ZSWIM6: variants seen among roughly 807,000 people sequenced by gnomAD.
ZSWIM6 encodes zinc finger SWIM-type containing 6.
In ZSWIM6, 9 loss-of-function variants were observed where a neutral mutation model predicts 113.2. The ratio of observed to expected loss-of-function variants is 0.08; its 90% CI spans 0.05 to 0.14. The LOEUF is 0.14. ZSWIM6 is among the 10% of genes least tolerant of loss of function. The pLI is 1.00. For missense variants in ZSWIM6, 1,162 were observed against 1,552.2 expected (o/e 0.75, Z 4.22); for synonymous variants, 611 against 606.5 (o/e 1.01, Z -0.11).
chr5:61,459,844 G>A (rs1025521721), intron 1 of ZSWIM6, among the ~76,000 whole-genome samples: 1 of 152,112 alleles, frequency 6.6e-6, no homozygotes, highest in Non-Finnish European at 1.5e-5. Context: ...ACTCTTTCAG[G>A]TCCTCCCGCA....
intron 1 of ZSWIM6, among the ~76,000 whole-genome samples, chr5:61,397,902 T>C (rs1390273178): frequency 1.3e-5 from 2 of 152,204 alleles, no homozygotes; most frequent in African/African-American, 4.8e-5. Context: ...CCTATTAATG[T>C]AACTATTAAG....
At chr5:61,413,404 T>G (rs1248544148) in intron 1 of ZSWIM6, among the ~76,000 whole-genome samples, 2 of 152,078 alleles carry the variant, frequency 1.3e-5, no homozygotes, top group Non-Finnish European at 2.9e-5. Flanking sequence ...TGCCACATTT[T>G]CTTAATCCAG....
intron 9 of ZSWIM6, 84 bp downstream of exon 9, chr5:61,531,809 T>C: frequency 7.0e-7 from 1 of 1,435,204 alleles, no homozygotes; most frequent in East Asian, 2.5e-5. Context: ...GCTATCTGAA[T>C]GCATTTAATA....
chr5:61,408,763 C>T (rs1746091456), intron 1 of ZSWIM6, among the ~76,000 whole-genome samples: 1 of 152,258 alleles, frequency 6.6e-6, no homozygotes, highest in Non-Finnish European at 1.5e-5. Context: ...TTGCTTTCCT[C>T]ACTACAGCTG....
chr5:61,460,243 A>G (rs1302395338), intron 1 of ZSWIM6, among the ~76,000 whole-genome samples: 1 of 152,124 alleles, frequency 6.6e-6, no homozygotes, highest in East Asian at 1.9e-4. Flanking sequence ...ATGCTGATTG[A>G]TGATTCTAAA....
chr5:61,416,419 A>G (rs1256489416), intron 1 of ZSWIM6, among the ~76,000 whole-genome samples: 6 of 152,114 alleles, frequency 3.9e-5, no homozygotes. Context: ...CTCTGATATC[A>G]TGCTGCTTTT....
At chr5:61,492,951 A>G (rs910111172) in intron 3 of ZSWIM6, among the ~76,000 whole-genome samples, 21 of 152,064 alleles carry the variant, frequency 1.4e-4, no homozygotes, top group African/African-American at 4.8e-4. Flanking sequence ...TGCTCCAGTA[A>G]TTTCTTACGG....
chr5:61,392,995 CATATAT>C (rs957511996), intron 1 of ZSWIM6, among the ~76,000 whole-genome samples: 1 of 151,484 alleles, frequency 6.6e-6, no homozygotes, highest in African/African-American at 2.4e-5. Flanking sequence ...GTTGTGTTCT[CATATAT>C]ATATATAAAA....
chr5:61,396,767 G>A (rs1010141788), intron 1 of ZSWIM6, among the ~76,000 whole-genome samples: 1 of 151,864 alleles, frequency 6.6e-6, no homozygotes, highest in Non-Finnish European at 1.5e-5. Context: ...TTAAGTTTTT[G>A]GTTAAAATTT....
At chr5:61,484,679 C>T (rs1335510461) in intron 2 of ZSWIM6, among the ~76,000 whole-genome samples, 3 of 152,110 alleles carry the variant, frequency 2.0e-5, no homozygotes, top group South Asian at 2.1e-4. Context: ...TAGTTAACTT[C>T]GCATCATTGT....
chr5:61,336,973 C>T (rs899952310), intron 1 of ZSWIM6, among the ~76,000 whole-genome samples: 1 of 152,080 alleles, frequency 6.6e-6, no homozygotes, highest in Non-Finnish European at 1.5e-5. Context: ...TACTCATCTT[C>T]ATTCTTACAT....
At chr5:61,533,467 A>G (rs780042385) in intron 9 of ZSWIM6, among the ~76,000 whole-genome samples, 1 of 152,234 alleles carries the variant, frequency 6.6e-6, no homozygotes, top group Non-Finnish European at 1.5e-5. Context: ...AGCATATTGA[A>G]CAAGCACCTC....
chr5:61,438,225 A>G (rs1250389808), intron 1 of ZSWIM6, among the ~76,000 whole-genome samples: 2 of 152,358 alleles, frequency 1.3e-5, no homozygotes, highest in East Asian at 1.9e-4. Flanking sequence ...CTGATGAAAG[A>G]TAGTCATGTT....
chr5:61,479,749 A>T (rs1187413952), intron 2 of ZSWIM6, among the ~76,000 whole-genome samples: 1 of 152,118 alleles, frequency 6.6e-6, no homozygotes, highest in Non-Finnish European at 1.5e-5. Context: ...TTCAGGCCTC[A>T]GTTTTCTTGG....
intron 1 of ZSWIM6, chr5:61,390,776 A>C (rs980032514): frequency 2.7e-5 from 21 of 788,824 alleles, no homozygotes; most frequent in Non-Finnish European, 4.6e-5. Context: ...AGGTGGTGTC[A>C]ATGAACTTAA....
At chr5:61,346,080 G>C (rs1744652252) in intron 1 of ZSWIM6, among the ~76,000 whole-genome samples, 1 of 152,020 alleles carries the variant, frequency 6.6e-6, no homozygotes, top group African/African-American at 2.4e-5. Context: ...GAGTAGCTGG[G>C]ATTACAGGCG....
intron 1 of ZSWIM6, among the ~76,000 whole-genome samples, chr5:61,367,271 A>G (rs1412154902): frequency 1.3e-5 from 2 of 151,646 alleles, no homozygotes; most frequent in Non-Finnish European, 2.9e-5. Context: ...CTTTTTTTTT[A>G]ATTGGGACAG....
At chr5:61,416,509 G>C (rs532647078) in intron 1 of ZSWIM6, among the ~76,000 whole-genome samples, 1 of 152,304 alleles carries the variant, frequency 6.6e-6, no homozygotes, top group East Asian at 1.9e-4. Flanking sequence ...ATAGAATCCT[G>C]TTTCTTGATT....
chr5:61,500,523 A>T (rs1236047876), intron 4 of ZSWIM6, among the ~76,000 whole-genome samples: 1 of 152,070 alleles, frequency 6.6e-6, no homozygotes. Flanking sequence ...TGGGGAATAA[A>T]CCCTGTAAGA....
Sources: allele counts gnomAD v4.1 joint callset (sites outside exome capture counted in the v4.1 genomes callset), GRCh38; gene constraint gnomAD v4.1.1; transcripts MANE v1.5; gene names NCBI Gene and HGNC (gene_info 2026-07-23, HGNC 2026-07-21).